The following TMOD1 variants were observed in gnomAD, a reference collection of about 807,000 sequenced individuals.
TMOD1 encodes the protein tropomodulin 1, also known as tropomodulin-1.
TMOD1 carries 17 observed loss-of-function variants against 40.6 expected under a neutral mutation model. The ratio of observed to expected loss-of-function variants is 0.42; its 90% CI spans 0.29 to 0.63. TMOD1 has a LOEUF of 0.63. Among genes scored for constraint, TMOD1 ranks in the 20% least tolerant of loss-of-function variants. The pLI is 0.22. For missense variants in TMOD1, 391 were observed against 447.6 expected (o/e 0.87, Z 1.14); for synonymous variants, 181 against 175.0 (o/e 1.03, Z -0.27).
chr9:97,511,389 G>T (rs1829694949), intron 1 of TMOD1, among the ~76,000 whole-genome samples: 1 of 152,172 alleles, frequency 6.6e-6, no homozygotes, highest in South Asian at 2.1e-4. Context: ...ACGCACATCT[G>T]TCATAATAGA....
intron 4 of TMOD1, among the ~76,000 whole-genome samples, chr9:97,561,907 A>T (rs117211515): frequency 0.014 from 2,091 of 152,176 alleles, 94 homozygotes; most frequent in East Asian, 0.12. Context: ...TTCCTCTTTT[A>T]TGCTGTCTTA....
chr9:97,544,781 G>A (rs1830334739), intron 2 of TMOD1, among the ~76,000 whole-genome samples: 1 of 152,072 alleles, frequency 6.6e-6, no homozygotes. Context: ...GCCAAGGCAG[G>A]CAGATCACTT....
intron 1 of TMOD1, among the ~76,000 whole-genome samples, chr9:97,507,323 G>A (rs1214613963): frequency 1.3e-5 from 2 of 152,206 alleles, no homozygotes; most frequent in Admixed American, 1.3e-4. Context: ...CTTCCTCCAT[G>A]CAAACCAAGA....
intron 9 of TMOD1, among the ~76,000 whole-genome samples, chr9:97,595,595 C>G (rs1259773360): frequency 6.6e-6 from 1 of 150,948 alleles, no homozygotes; most frequent in African/African-American, 2.4e-5. Context: ...ATATATCCCC[C>G]AGTTTCTTTA....
chr9:97,601,023 G>A lies in TMOD1; in HGVS notation c.*1325G>A. The A allele has an allele frequency of 7.7e-7, 1 of 1,296,664 alleles. No individual in the cohort carries two copies. Among genetic ancestry groups the A allele is most frequent in the Non-Finnish European group, 1.0e-6 (1 of 984,846 alleles). 80.3% of individuals were successfully genotyped at this position (1,296,664 alleles called of 1,614,324 possible). A position where few individuals can be genotyped will look rare whatever the true frequency, so the allele number is the denominator to read the frequency against. On this transcript the variant is annotated 3_prime_UTR_variant, in exon 10 of 10. Coordinates refer to ENST00000259365, the MANE Select transcript of TMOD1 (RefSeq NM_003275.4). ...TGAGCAGAGAGGCTGGTGATGAAAA[G>A]GTGAAGGCCTGCGCACTGAACTGTA...
chr9:97,537,476 AC>A (rs1830202826), intron 2 of TMOD1, among the ~76,000 whole-genome samples: 1 of 152,200 alleles, frequency 6.6e-6, no homozygotes. Context: ...CTTTACTGGC[AC>A]CTGTTTGCAG....
rs541832051 is a variant in TMOD1, at chr9:97,601,261, C to T, written c.*1563C>T. On this transcript the variant is annotated 3_prime_UTR_variant, in exon 10 of 10. Coordinates refer to ENST00000259365, the MANE Select transcript of TMOD1 (RefSeq NM_003275.4). ...AAATCTGTTGGTCTATGCATGGCTG[C>T]GTATGTGTTTCTTGGAACCTGTGTG... 5.8e-6 allele frequency: 7 copies of T among 1,203,142 alleles called. No homozygotes were observed. Among genetic ancestry groups the T allele is most frequent in the South Asian group, 1.5e-5 (1 of 65,284 alleles). 74.5% of individuals were successfully genotyped at this position (1,203,142 alleles called of 1,614,324 possible). A position where few individuals can be genotyped will look rare whatever the true frequency, so the allele number is the denominator to read the frequency against.
chr9:97,584,740 C>G (rs1182552376), intron 8 of TMOD1, among the ~76,000 whole-genome samples: 12 of 152,072 alleles, frequency 7.9e-5, no homozygotes, highest in Non-Finnish European at 1.2e-4. Flanking sequence ...GAATTGATCC[C>G]TTTACCATTA....
In TMOD1 at chr9:97,600,041, T is replaced by C; in HGVS notation, c.*343T>C. The stretch of plus-strand genomic sequence containing the variant: ...CTTGCTGTGTGGTGTTTCAAGTGCA[T>C]TTAAAATGTGTGACACAGAAACGGC... On this transcript the variant is annotated 3_prime_UTR_variant, in exon 10 of 10. Transcript: ENST00000259365. 9.3e-7 allele frequency: 1 copy of C among 1,079,250 alleles called. No homozygotes were observed. The allele number at this position is 1,079,250 out of a possible 1,614,324, so 66.9% of individuals were successfully genotyped here.
intron 1 of TMOD1, among the ~76,000 whole-genome samples, chr9:97,514,850 C>T (rs530409503): frequency 9.2e-5 from 14 of 152,306 alleles, no homozygotes; most frequent in African/African-American, 3.1e-4. Flanking sequence ...CTACCTGGAT[C>T]GGGGCAGACA....
intron 1 of TMOD1, among the ~76,000 whole-genome samples, chr9:97,504,927 T>G (rs887820625): frequency 1.3e-5 from 2 of 152,196 alleles, no homozygotes; most frequent in African/African-American, 4.8e-5. Context: ...ATTGGGCTGC[T>G]AGGAGCCATT....
At chr9:97,524,096 G>A (rs1829959258) in intron 1 of TMOD1, 45 bp from the exon 2 acceptor site, 2 of 1,468,944 alleles carry the variant, frequency 1.4e-6, no homozygotes, top group Non-Finnish European at 9.1e-7. Flanking sequence ...CTCTGAGAGA[G>A]CAAATCTGAG....
intron 8 of TMOD1, among the ~76,000 whole-genome samples, chr9:97,584,810 A>T (rs1490439403): frequency 2.0e-5 from 3 of 152,110 alleles, no homozygotes; most frequent in Non-Finnish European, 4.4e-5. Context: ...TTTATCAGAG[A>T]CTAGGATTGC....
At chr9:97,506,568 C>T (rs1349887735) in intron 1 of TMOD1, among the ~76,000 whole-genome samples, 1 of 152,264 alleles carries the variant, frequency 6.6e-6, no homozygotes, top group Non-Finnish European at 1.5e-5. Context: ...CTGCTCCCCA[C>T]TGCCAGCTCT....
At chr9:97,525,193 T>C (rs1829993094) in intron 2 of TMOD1, among the ~76,000 whole-genome samples, 1 of 152,234 alleles carries the variant, frequency 6.6e-6, no homozygotes, top group Non-Finnish European at 1.5e-5. Flanking sequence ...CCATGAGTGA[T>C]GTTTATTCTT....
At chr9:97,515,132 T>C (rs190639490) in intron 1 of TMOD1, among the ~76,000 whole-genome samples, 1 of 151,006 alleles carries the variant, frequency 6.6e-6, no homozygotes, top group Non-Finnish European at 1.5e-5. Context: ...AGTCCAGGAG[T>C]TTGAAACCAG....
At chr9:97,565,795 C>A (rs917240031) in intron 6 of TMOD1, 53 bp from the exon 7 acceptor site, 36 of 1,455,966 alleles carry the variant, frequency 2.5e-5, no homozygotes, top group Non-Finnish European at 3.3e-5. Context: ...CCTGCCTCAG[C>A]CTGTCCCAGA....
chr9:97,548,942 C>T (rs1830408697), intron 3 of TMOD1, among the ~76,000 whole-genome samples: 1 of 152,178 alleles, frequency 6.6e-6, no homozygotes, highest in Non-Finnish European at 1.5e-5. Flanking sequence ...CCAGCCTCTA[C>T]CAAGCACTTC....
At chr9:97,562,075 C>T (rs968370848) in intron 4 of TMOD1, among the ~76,000 whole-genome samples, 6 of 152,198 alleles carry the variant, frequency 3.9e-5, no homozygotes. Flanking sequence ...GAGCCTAGCA[C>T]ACAGTGCTGG....
Sources: gnomAD v4.1 joint callset for allele counts (sites outside exome capture counted in the v4.1 genomes callset) on GRCh38, gnomAD v4.1.1 for gene constraint, MANE v1.5 for transcripts, NCBI Gene and HGNC (gene_info 2026-07-23, HGNC 2026-07-21) for gene names.